Variants in OR10AG1 observed in about 807,000 individuals in gnomAD.
OR10AG1 encodes olfactory receptor 10AG1.
For missense variants in OR10AG1, 433 were observed against 376.5 expected (o/e 1.15, Z -1.24); for synonymous variants, 147 against 128.6 (o/e 1.14, Z -0.97).
At chr11:55,968,555 C>G in intron 1 of OR10AG1, 48 bp from the exon 2 acceptor site, 1 of 810,428 alleles carries the variant, frequency 1.2e-6, no homozygotes, top group Middle Eastern at 2.7e-4. Context: ...ATATTTTGAA[C>G]AATATTTTCC....
At chr11:55,968,972 C>A (rs1000935165) in intron 1 of OR10AG1, among the ~76,000 whole-genome samples, 4 of 151,918 alleles carry the variant, frequency 2.6e-5, no homozygotes, top group African/African-American at 9.7e-5. Flanking sequence ...CAGTGAGAAT[C>A]AATTATCTTA....
intron 1 of OR10AG1, among the ~76,000 whole-genome samples, chr11:55,968,787 A>T (rs150371671): frequency 2.6e-5 from 4 of 152,128 alleles, no homozygotes; most frequent in African/African-American, 9.7e-5. Flanking sequence ...ATAACATCTT[A>T]TTATTTCACA....
In OR10AG1 at chr11:55,968,012, G is replaced by C. The variant is rs748947948; in HGVS notation, c.512C>G (p.Thr171Arg). ...TITIPVVIGETCQIFLLPFCG... is the reference protein window; with the variant it reads ...TITIPVVIGERCQIFLLPFCG... ...AAAGGGCAAAAGGAAAATTTGGCAT[G>C]TTTCCCCAATTACTACAGGAATTGT... The change falls in exon 2 of 2, where the codon ACA becomes AGA. Residue 171 changes from threonine to arginine, a missense_variant. Thr to Arg is a moderately conservative substitution (Grantham distance 71). Coordinates refer to ENST00000641071, the MANE Select transcript of OR10AG1 (RefSeq NM_001005491.2). 12 of 1,613,836 alleles carry C rather than the reference G, an allele frequency of 7.4e-6. No individual in the cohort carries two copies. The East Asian group carries it at 2.7e-4, about 36-fold the overall frequency.
In OR10AG1 at chr11:55,966,019, G is replaced by A. The variant is rs1263806654; in HGVS notation, c.*1539C>T. On this transcript the variant is annotated 3_prime_UTR_variant, in exon 2 of 2. Coordinates refer to ENST00000641071, the MANE Select transcript of OR10AG1 (RefSeq NM_001005491.2). ...ATATGCATTCTTACATATTAGGGAA[G>A]TAGGAATTTCTTCAATTGAGCAGTT... 6.6e-6 allele frequency: 1 copy of A among 151,836 alleles called. No homozygotes were observed. Among genetic ancestry groups the A allele is most frequent in the Non-Finnish European group, 1.5e-5 (1 of 67,942 alleles). 9.4% of individuals were successfully genotyped at this position (151,836 alleles called of 1,614,324 possible).
At chr11:55,968,618 C>T (rs557996219) in intron 1 of OR10AG1, 111 bp from the exon 2 acceptor site, 173 of 529,308 alleles carry the variant, frequency 3.3e-4, no homozygotes, top group Non-Finnish European at 2.3e-4. Context: ...GCTCTTAAGT[C>T]ATTTTCACCA....
rs1323430467 is a variant in OR10AG1, at chr11:55,969,926, T to C, written c.-19A>G. The stretch of plus-strand genomic sequence containing the variant: ...TTTGCATGAAGCTGTCTGTACAGAC[T>C]TTTTAAGCTCTTCCTTTTCTCGGGA... On this transcript the variant is annotated 5_prime_UTR_variant, in exon 1 of 2. Transcript: ENST00000641071. 1 of 398,172 alleles carries C rather than the reference T, an allele frequency of 2.5e-6. No individual in the cohort carries two copies. The highest frequency in any genetic ancestry group is 4.4e-6 in the Non-Finnish European group (1 of 225,936). 24.7% of individuals were successfully genotyped at this position (398,172 alleles called of 1,614,324 possible). A position where few individuals can be genotyped will look rare whatever the true frequency, so the allele number is the denominator to read the frequency against.
In OR10AG1 at chr11:55,968,418, A is replaced by G. The variant is rs1349636513; in HGVS notation, c.106T>C (p.Trp36Arg). 1 of 1,583,944 alleles carries G rather than the reference A, an allele frequency of 6.3e-7. No individual in the cohort carries two copies. The highest frequency in any genetic ancestry group is 2.2e-5 in the East Asian group (1 of 44,564). The change falls in exon 2 of 2, where the codon TGG becomes CGG. Residue 36 changes from tryptophan (W) to arginine (R), a missense_variant. Trp to Arg is a moderately radical substitution (Grantham distance 101). Transcript: ENST00000641071. ...LGFSDIPNLH[W>R]MLFSIFLLMY... is the part of the protein sequence containing the mutation. The stretch of plus-strand genomic sequence containing the variant: ...AGTAAAAATATACTAAAAAGCATCC[A>G]GTGGAGATTGGGAATATCAGAAAAC...
Position 55,967,621 on chromosome 11 carries a change from A to G in OR10AG1, c.903T>C (p.Tyr301=), listed in dbSNP as rs1319507434. 2 of 1,610,302 alleles carry G rather than the reference A, an allele frequency of 1.2e-6. No individual in the cohort carries two copies. The highest frequency in any genetic ancestry group is 1.1e-5 in the South Asian group (1 of 90,946). The change falls in exon 2 of 2, where the codon TAT becomes TAC. Residue 301 remains tyrosine, a synonymous_variant. Coordinates refer to ENST00000641071, the MANE Select transcript of OR10AG1 (RefSeq NM_001005491.2). ...ILIPTLNPII[Y]TLRNKDIMVA... is the part of the protein sequence containing the mutation. ...CCATGATATCTTTGTTCCTCAGGGTATATATAATAGGATTCAAAGTTGGAA... is the reference window on the plus strand; with the variant it reads ...CCATGATATCTTTGTTCCTCAGGGTGTATATAATAGGATTCAAAGTTGGAA...
At position 55,966,543 on chromosome 11, in the gene OR10AG1, G is replaced by A. The variant is rs1056404658; in HGVS notation, c.*1015C>T. 1 of 151,970 alleles carries A rather than the reference G, an allele frequency of 6.6e-6. No individual in the cohort carries two copies. Among genetic ancestry groups the A allele is most frequent in the African/African-American group, 2.4e-5 (1 of 41,296 alleles). The allele number at this position is 151,970 out of a possible 1,614,324, so 9.4% of individuals were successfully genotyped here. ...GATTAGTCACTCATCAGTTCTCTAG[G>A]CTCCTCCAAAATCACAACGTTGGCA... On this transcript the variant is annotated 3_prime_UTR_variant, in exon 2 of 2. Transcript: ENST00000641071.
In OR10AG1 at chr11:55,968,070, A is replaced by C. The variant is rs777306329; in HGVS notation, c.454T>G (p.Cys152Gly). The change falls in exon 2 of 2, where the codon TGC becomes GGC. Residue 152 changes from cysteine to glycine, a missense_variant. Physicochemically the swap from Cys to Gly is radical, Grantham distance 159 (BLOSUM62 -3). Transcript: ENST00000641071. ...QYPLVMNHKV[C>G]IQLIIASWTI... is the part of the protein sequence containing the mutation. ...CAGGAAGCTATTATCAGCTGAATGC[A>C]GACTTTGTGGTTCATCACTAGAGGA... The C allele has an allele frequency of 4.3e-6, 7 of 1,614,098 alleles. No individual in the cohort carries two copies. Among genetic ancestry groups the C allele is most frequent in the Non-Finnish European group, 5.9e-6 (7 of 1,179,996 alleles).
rs571311873 is a variant in OR10AG1 at position 55,969,251 on chromosome 11, C to A, written c.16+641G>T. On this transcript the variant is annotated intron_variant, in intron 1 of 1. Transcript: ENST00000641071. ...ATTGTCATATAACCAAATACAGTTC[C>A]TTTCAACCAAATACAATTCCTTCTC... 4.7e-4 allele frequency among the ~76,000 whole-genome samples: 72 copies of A among 152,094 alleles called. 1 individual carries two copies. The Middle Eastern group carries it at 0.01, about 22-fold the overall frequency.
At position 55,969,880 on chromosome 11, in the gene OR10AG1, A is replaced by G. The variant is rs1201371255; in HGVS notation, c.16+12T>C. On this transcript the variant is annotated intron_variant, in intron 1 of 1. Coordinates refer to ENST00000641071, the MANE Select transcript of OR10AG1 (RefSeq NM_001005491.2). ...TTAAATAAAATAGTCTGTCAACCCA[A>G]TTATGGCTTACCTTTAGGGATTTGC... 2 of 398,180 alleles carry G rather than the reference A, an allele frequency of 5.0e-6. No homozygotes were observed. The highest frequency in any genetic ancestry group is 2.1e-5 in the African/African-American group (1 of 48,566). The allele number at this position is 398,180 out of a possible 1,614,324, so 24.7% of individuals were successfully genotyped here.
Position 55,967,688 on chromosome 11 carries a change from T to A in OR10AG1, c.836A>T (p.Gln279Leu), listed in dbSNP as rs1226397945. 3.1e-6 allele frequency: 5 copies of A among 1,613,586 alleles called. No homozygotes were observed. The highest frequency in any genetic ancestry group is 3.3e-5 in the Admixed American group (2 of 60,014). The change falls in exon 2 of 2, where the codon CAA (glutamine) becomes CTA (leucine). Residue 279 changes from glutamine (Q) to leucine (L), a missense_variant. Transcript: ENST00000641071. ...AAGAGAAATCAGTTTCCCCATCCTT[T>A]GAAACTGATGTGGTTTGGGCTGTAA... ...TYLQPKPHQF[Q>L]RMGKLISLFY...
In OR10AG1 at chr11:55,966,268, G is replaced by T. The variant is rs1383176457; in HGVS notation, c.*1290C>A. On this transcript the variant is annotated 3_prime_UTR_variant, in exon 2 of 2. Transcript: ENST00000641071. ...ATTGATTTAGCTTGTAAAGTAAGAA[G>T]AATATATATATATATATATATATTT... is the stretch of plus-strand genomic sequence containing the variant. The T allele has an allele frequency of 1.3e-5, 1 of 74,444 alleles. No individual in the cohort carries two copies. The highest frequency in any genetic ancestry group is 2.7e-5 in the Non-Finnish European group (1 of 37,102). 4.6% of individuals were successfully genotyped at this position (74,444 alleles called of 1,614,324 possible).
Position 55,968,194 on chromosome 11 carries a change from T to C in OR10AG1, c.330A>G (p.Thr110=). 1.9e-6 allele frequency: 3 copies of C among 1,614,058 alleles called. No individual in the cohort carries two copies. Among genetic ancestry groups the C allele is most frequent in the Non-Finnish European group, 2.5e-6 (3 of 1,179,994 alleles). The change falls in exon 2 of 2, where the codon ACA becomes ACG. Residue 110 remains threonine (T), a synonymous_variant. Coordinates refer to ENST00000641071, the MANE Select transcript of OR10AG1 (RefSeq NM_001005491.2). ...KGNISLFACA[T]QMCFFLMLGG... ...CAAGCATAAGAAAAAAACACATTTGTGTAGCACAAGCAAACAAAGAAATAT... is the reference window on the plus strand; with the variant it reads ...CAAGCATAAGAAAAAAACACATTTGCGTAGCACAAGCAAACAAAGAAATAT...
Position 55,968,519 on chromosome 11 carries a change from G to T in OR10AG1, c.17-12C>A, listed in dbSNP as rs549293786. 2.9e-5 allele frequency: 32 copies of T among 1,091,032 alleles called. No homozygotes were observed. In the African/African-American group the frequency reaches 3.5e-4, roughly 12 times the overall value. 67.6% of individuals were successfully genotyped at this position (1,091,032 alleles called of 1,614,324 possible). A position where few individuals can be genotyped will look rare whatever the true frequency, so the allele number is the denominator to read the frequency against. On this transcript the variant is annotated splice_polypyrimidine_tract_variant and intron_variant, in intron 1 of 1. Coordinates refer to ENST00000641071, the MANE Select transcript of OR10AG1 (RefSeq NM_001005491.2). ...AGTTTGCTCTCCATCTGCAGATATA[G>T]CAAATTCAAGACAGTTAATTCATCC...
In OR10AG1 at chr11:55,969,051, A is replaced by G. The variant is rs116788466; in HGVS notation, c.17-544T>C. On this transcript the variant is annotated intron_variant, in intron 1 of 1. Coordinates refer to ENST00000641071, the MANE Select transcript of OR10AG1 (RefSeq NM_001005491.2). ...TTGCTCTACTTCATGTCTCTCTCCT[A>G]TTATTTATGCTAAATATAAAAACAC... is the stretch of plus-strand genomic sequence containing the variant. Among the ~76,000 whole-genome samples the G allele has an allele frequency of 8.4e-3, 1,276 of 152,218 alleles. 34 individuals are homozygous for G. Among genetic ancestry groups the G allele is most frequent in the African/African-American group, 0.029 (1,213 of 41,494 alleles).
In OR10AG1 at chr11:55,967,302, TCAGGTGGTCTCTTAATCAA is replaced by T. The variant is rs1852696365; in HGVS notation, c.*237_*255del. ...ACTCAGTTATTTTTCATTTTATTGC[TCAGGTGGTCTCTTAATCAA>T]CAGTTAACCATTGATCTTCAGAATG... is the stretch of plus-strand genomic sequence containing the variant. On this transcript the variant is annotated 3_prime_UTR_variant, in exon 2 of 2. Coordinates refer to ENST00000641071, the MANE Select transcript of OR10AG1 (RefSeq NM_001005491.2). 3.0e-6 allele frequency: 1 copy of T among 332,914 alleles called. No homozygotes were observed. Among genetic ancestry groups the T allele is most frequent in the Non-Finnish European group, 5.5e-6 (1 of 183,266 alleles). The allele number at this position is 332,914 out of a possible 1,614,324, so 20.6% of individuals were successfully genotyped here.
rs1320550734 is a variant in OR10AG1 at position 55,967,316 on chromosome 11, A to T, written c.*242T>A. On this transcript the variant is annotated 3_prime_UTR_variant, in exon 2 of 2. Coordinates refer to ENST00000641071, the MANE Select transcript of OR10AG1 (RefSeq NM_001005491.2). ...CATTTTATTGCTCAGGTGGTCTCTTAATCAACAGTTAACCATTGATCTTCA... is the reference window on the plus strand; with the variant it reads ...CATTTTATTGCTCAGGTGGTCTCTTTATCAACAGTTAACCATTGATCTTCA... The T allele has an allele frequency of 2.6e-6, 1 of 377,752 alleles. No homozygotes were observed. The highest frequency in any genetic ancestry group is 4.3e-5 in the Admixed American group (1 of 23,220). The allele number at this position is 377,752 out of a possible 1,614,324, so 23.4% of individuals were successfully genotyped here. A position where few individuals can be genotyped will look rare whatever the true frequency, so the allele number is the denominator to read the frequency against.
Sources: gnomAD v4.1 joint callset for allele counts (sites outside exome capture counted in the v4.1 genomes callset) on GRCh38, gnomAD v4.1.1 for gene constraint, MANE v1.5 for transcripts, NCBI Gene and HGNC (gene_info 2026-07-23, HGNC 2026-07-21) for gene names.